PDLIM5: variants seen among roughly 807,000 people sequenced by gnomAD.
PDLIM5 encodes the protein PDZ and LIM domain 5, also known as PDZ and LIM domain protein 5.
In PDLIM5, 34 loss-of-function variants were observed where a neutral mutation model predicts 64.2. That is an observed-to-expected ratio of 0.53 (90% CI 0.40 to 0.71). The LOEUF (loss-of-function observed/expected upper bound fraction) is 0.71. Among genes scored for constraint, PDLIM5 ranks in the 30% least tolerant of loss-of-function variants. The pLI is 0.00. For synonymous variants in PDLIM5, 253 were observed against 269.1 expected, an observed-to-expected ratio of 0.94 and a Z score of 0.59; for missense variants, 683 against 733.6, an observed-to-expected ratio of 0.93 and a Z score of 0.80.
At chr4:94,514,133 CTTTT>C (rs34757067) in intron 2 of PDLIM5, among the ~76,000 whole-genome samples, 2 of 115,134 alleles carry the variant, frequency 1.7e-5, no homozygotes, top group Admixed American at 8.8e-5. Context: ...CTAGTATTTT[CTTTT>C]TTTTTTTTTT....
intron 2 of PDLIM5, among the ~76,000 whole-genome samples, chr4:94,471,132 G>A (rs747902218): frequency 3.3e-5 from 5 of 152,130 alleles, no homozygotes. Flanking sequence ...AATTATGGGA[G>A]CTACAATTTG....
At chr4:94,585,341 C>T (rs1335919694) in intron 5 of PDLIM5, among the ~76,000 whole-genome samples, 1 of 152,150 alleles carries the variant, frequency 6.6e-6, no homozygotes, top group Non-Finnish European at 1.5e-5. Context: ...CCGCCCACCT[C>T]AGCCTCCCAA....
chr4:94,523,269 A>T lies in PDLIM5; in HGVS notation c.97-455A>T, dbSNP rs570934691. Among the ~76,000 whole-genome samples the T allele has an allele frequency of 1.3e-4, 20 of 152,322 alleles. 1 individual carries two copies. Among genetic ancestry groups the T allele is most frequent in the Admixed American group, 1.0e-3 (16 of 15,300 alleles). ...CTCAACAGGAAGGATTGTTTAGCAG[A>T]TCTTCCCTCTCTGTTCCTCTTTGTG... On this transcript the variant is annotated intron_variant, in intron 2 of 12. Transcript: ENST00000317968.
chr4:94,570,715 A>C (rs1006965478), intron 3 of PDLIM5, among the ~76,000 whole-genome samples: 10 of 152,214 alleles, frequency 6.6e-5, no homozygotes, highest in Non-Finnish European at 1.2e-4. Context: ...TTGTTATTAC[A>C]GATTGACAAC....
At chr4:94,518,321 C>A (rs148474784) in intron 2 of PDLIM5, among the ~76,000 whole-genome samples, 65 of 152,268 alleles carry the variant, frequency 4.3e-4, no homozygotes, top group East Asian at 2.5e-3. Context: ...GCAGGTATAT[C>A]CAACTCCTTA....
At chr4:94,513,359 A>G (rs918736053) in intron 2 of PDLIM5, among the ~76,000 whole-genome samples, 1 of 152,228 alleles carries the variant, frequency 6.6e-6, no homozygotes, top group East Asian at 1.9e-4. Context: ...CTTTCAATCC[A>G]TGAACATGGA....
intron 9 of PDLIM5, among the ~76,000 whole-genome samples, chr4:94,651,873 A>G (rs1181261771): frequency 4.6e-5 from 7 of 152,210 alleles, no homozygotes; most frequent in Admixed American, 4.6e-4. Context: ...TCCTGTAACA[A>G]CTACCAGTAC....
At chr4:94,488,408 A>C (rs1160008141) in intron 2 of PDLIM5, among the ~76,000 whole-genome samples, 1 of 152,232 alleles carries the variant, frequency 6.6e-6, no homozygotes, top group East Asian at 1.9e-4. Context: ...CATAGGTGTT[A>C]ACTTTTTAGT....
At chr4:94,563,329 G>A (rs188924304) in intron 3 of PDLIM5, among the ~76,000 whole-genome samples, 2 of 152,250 alleles carry the variant, frequency 1.3e-5, no homozygotes, top group Admixed American at 1.3e-4. Context: ...GATAGACTTG[G>A]CCTATGTATG....
chr4:94,524,301 C>T (rs894268080), intron 3 of PDLIM5, among the ~76,000 whole-genome samples: 3 of 140,448 alleles, frequency 2.1e-5, no homozygotes, highest in African/African-American at 5.3e-5. Context: ...CCCAGGAGGT[C>T]GAGGTTGCAT....
At chr4:94,602,637 G>C (rs1227502444) in intron 7 of PDLIM5, among the ~76,000 whole-genome samples, 2 of 151,958 alleles carry the variant, frequency 1.3e-5, no homozygotes. Flanking sequence ...ATTTTTTTTA[G>C]TAGAGACGGA....
intron 4 of PDLIM5, 69 bp downstream of exon 4, chr4:94,573,462 C>T (rs1304922948): frequency 8.7e-7 from 1 of 1,144,726 alleles, no homozygotes; most frequent in Non-Finnish European, 1.3e-6. Context: ...ATTCCCATTA[C>T]TGTCTCAGAC....
At chr4:94,627,451 A>G (rs140729557) in intron 8 of PDLIM5, among the ~76,000 whole-genome samples, 21 of 152,336 alleles carry the variant, frequency 1.4e-4, no homozygotes, top group African/African-American at 4.8e-4. Context: ...TAAACTTTTT[A>G]TAAGGCAGAC....
intron 9 of PDLIM5, among the ~76,000 whole-genome samples, chr4:94,641,843 A>G (rs934901108): frequency 6.6e-6 from 1 of 152,216 alleles, no homozygotes; most frequent in Non-Finnish European, 1.5e-5. Flanking sequence ...TATTCAACAC[A>G]CAGAAGGCAT....
Position 94,664,080 on chromosome 4 carries a change from C to G in PDLIM5, c.*13C>G, listed in dbSNP as rs1175569917. The G allele has an allele frequency of 6.4e-7, 1 of 1,556,036 alleles. No individual in the cohort carries two copies. Among genetic ancestry groups the G allele is most frequent in the East Asian group, 2.3e-5 (1 of 43,634 alleles). On this transcript the variant is annotated 3_prime_UTR_variant, in exon 13 of 13. Coordinates refer to ENST00000317968, the MANE Select transcript of PDLIM5 (RefSeq NM_006457.5). ...TGTGAATTTTTGAAAGTCAACAGTT[C>G]AGGAGAAGAGAAGGAATTTGAAGAG... is the stretch of plus-strand genomic sequence containing the variant.
In PDLIM5 at chr4:94,585,599, G is replaced by C. The variant is rs1437350146; in HGVS notation, c.745G>C (p.Glu249Gln). The change falls in exon 6 of 13, where the codon GAG becomes CAG. Residue 249 changes from glutamate (E) to glutamine (Q), a missense_variant. Transcript: ENST00000317968. ...AAAACACATTGTGGAGCGCTATACA[G>C]AGTTTTATCATGTACCCACTCACAG... Reference protein sequence around the residue: ...PRKHIVERYTEFYHVPTHSDA... With the variant: ...PRKHIVERYTQFYHVPTHSDA... 2 of 1,612,014 alleles carry C rather than the reference G, an allele frequency of 1.2e-6. No individual in the cohort carries two copies. Among genetic ancestry groups the C allele is most frequent in the Non-Finnish European group, 1.7e-6 (2 of 1,179,500 alleles).
chr4:94,491,352 T>A (rs1406576009), intron 2 of PDLIM5, among the ~76,000 whole-genome samples: 1 of 152,178 alleles, frequency 6.6e-6, no homozygotes, highest in African/African-American at 2.4e-5. Flanking sequence ...ATTTTAGAGT[T>A]AACATTATCA....
intron 8 of PDLIM5, among the ~76,000 whole-genome samples, chr4:94,632,270 G>C (rs1210779664): frequency 6.6e-6 from 1 of 152,172 alleles, no homozygotes; most frequent in African/African-American, 2.4e-5. Flanking sequence ...AAAAACATTT[G>C]CCTCATTTCG....
intron 3 of PDLIM5, among the ~76,000 whole-genome samples, chr4:94,546,838 C>CG (rs912537635): frequency 6.6e-6 from 1 of 151,506 alleles, no homozygotes; most frequent in Non-Finnish European, 1.5e-5. Context: ...TAGGCCCCCC[C>CG]CACCTTTTTC....
Sources: gnomAD v4.1 joint callset for allele counts (sites outside exome capture counted in the v4.1 genomes callset) on GRCh38, gnomAD v4.1.1 for gene constraint, MANE v1.5 for transcripts, NCBI Gene and HGNC (gene_info 2026-07-23, HGNC 2026-07-21) for gene names.